Variants in SH3BGRL observed in about 807,000 individuals in gnomAD.
SH3BGRL encodes adapter SH3BGRL.
A neutral mutation model predicts 9.8 loss-of-function variants in SH3BGRL; 7 were observed. The observed-to-expected ratio is 0.72, with a 90% confidence interval of 0.41 to 1.35. The LOEUF (loss-of-function observed/expected upper bound fraction) is 1.35, where lower values mean the gene tolerates loss of function less well. Among genes scored for constraint, SH3BGRL ranks in the 40% most tolerant of loss-of-function variants. The probability of loss-of-function intolerance (pLI) is 0.01; values close to 1 mark genes in which losing one functional copy is unlikely to be tolerated. For missense variants in SH3BGRL, 73 were observed against 84.4 expected, an observed-to-expected ratio of 0.86 and a Z score of 0.53; for synonymous variants, 36 against 29.1, an observed-to-expected ratio of 1.24 and a Z score of -0.76.
intron 1 of SH3BGRL, among the ~76,000 whole-genome samples, chrX:81,259,281 T>C (rs2147699661): frequency 8.9e-6 from 1 of 111,814 alleles, no homozygotes; most frequent in Non-Finnish European, 1.9e-5. Flanking sequence ...GGAAGTGTGG[T>C]TTTAGGATGT....
At chrX:81,283,038 C>T (rs2075822768) in intron 3 of SH3BGRL, among the ~76,000 whole-genome samples, 1 of 111,705 alleles carries the variant, frequency 9.0e-6, no homozygotes, top group African/African-American at 3.3e-5. Context: ...CTAATATGAA[C>T]ACCTCTATGC....
intron 1 of SH3BGRL, among the ~76,000 whole-genome samples, chrX:81,255,167 C>T (rs1377848046): frequency 4.5e-5 from 5 of 111,552 alleles, no homozygotes; most frequent in Non-Finnish European, 7.5e-5. Flanking sequence ...GGATTACAGG[C>T]GTGAGCCACC....
At chrX:81,235,238 A>G (rs941763728) in intron 1 of SH3BGRL, among the ~76,000 whole-genome samples, 3 of 110,593 alleles carry the variant, frequency 2.7e-5, no homozygotes, top group Non-Finnish European at 5.7e-5. Flanking sequence ...AAACATGCTT[A>G]TGAGCTTGAG....
In SH3BGRL at chrX:81,269,447, A is replaced by G. The variant is rs1290774364; in HGVS notation, c.46-7537A>G. 3.6e-5 allele frequency among the ~76,000 whole-genome samples: 4 copies of G among 111,483 alleles called. No homozygotes were observed. In the East Asian group the frequency reaches 1.1e-3, roughly 31 times the overall value. On this transcript the variant is annotated intron_variant, in intron 1 of 3. Coordinates refer to ENST00000373212, the MANE Select transcript of SH3BGRL (RefSeq NM_003022.3). ...AATCTCTCAGCATTTGCTTGTCTGT[A>G]AACTATTTTATTTCTCCTTCACTTA... is the stretch of plus-strand genomic sequence containing the variant.
chrX:81,218,923 A>G (rs1294919955), intron 1 of SH3BGRL, among the ~76,000 whole-genome samples: 2 of 109,828 alleles, frequency 1.8e-5, no homozygotes, highest in Admixed American at 9.9e-5. Context: ...AAAAAATCCC[A>G]TTAGACCTAA....
At chrX:81,283,653 T>C (rs182280267) in intron 3 of SH3BGRL, among the ~76,000 whole-genome samples, 273 of 111,409 alleles carry the variant, frequency 2.5e-3, no homozygotes, top group Middle Eastern at 4.6e-3. Flanking sequence ...AAAATCAGCA[T>C]ACAAGGGACA....
intron 1 of SH3BGRL, among the ~76,000 whole-genome samples, chrX:81,234,373 T>A (rs1325763888): frequency 8.9e-6 from 1 of 112,395 alleles, no homozygotes; most frequent in Non-Finnish European, 1.9e-5. Flanking sequence ...TCATGATTTT[T>A]ACAAAGTAAA....
intron 1 of SH3BGRL, among the ~76,000 whole-genome samples, chrX:81,245,162 G>A (rs188034364): frequency 2.3e-4 from 26 of 111,849 alleles, no homozygotes; most frequent in Admixed American, 1.3e-3. Context: ...ATTCTTGTGA[G>A]AGTACTATCC....
At position 81,284,920 on chromosome X, in the gene SH3BGRL, T is replaced by G. The variant is rs1397935159; in HGVS notation, c.312+6509T>G. On this transcript the variant is annotated intron_variant, in intron 3 of 3. Coordinates refer to ENST00000373212, the MANE Select transcript of SH3BGRL (RefSeq NM_003022.3). The stretch of plus-strand genomic sequence containing the variant: ...GTTACCATGTTTCTTCCATCATTGC[T>G]TAAGCTCAGGAGTAGGAATAGAGTA... Among the ~76,000 whole-genome samples the G allele has an allele frequency of 4.4e-4, 49 of 111,207 alleles. 1 individual carries two copies. The Admixed American group carries it at 4.7e-3, about 11-fold the overall frequency.
chrX:81,203,138 C>A (rs905042732), intron 1 of SH3BGRL, among the ~76,000 whole-genome samples: 1 of 111,581 alleles, frequency 9.0e-6, no homozygotes, highest in African/African-American at 3.3e-5. Flanking sequence ...GAGTGTATAT[C>A]CATGATAAAT....
rs1181142504 is a variant in SH3BGRL at position 81,297,761 on chromosome X, T to C, written c.*534T>C. 8.9e-6 allele frequency: 1 copy of C among 112,353 alleles called. No individual in the cohort carries two copies. The highest frequency in any genetic ancestry group is 1.9e-5 in the Non-Finnish European group (1 of 53,149). 9.3% of individuals were successfully genotyped at this position (112,353 alleles called of 1,213,427 possible). A position where few individuals can be genotyped will look rare whatever the true frequency, so the allele number is the denominator to read the frequency against. On this transcript the variant is annotated 3_prime_UTR_variant, in exon 4 of 4. Coordinates refer to ENST00000373212, the MANE Select transcript of SH3BGRL (RefSeq NM_003022.3). Reference sequence around the variant, plus strand: ...TAATTATAACATTCCCATTCTTTTGTAGATGAAACTTCTACATATTGAACC... The same window carrying C: ...TAATTATAACATTCCCATTCTTTTGCAGATGAAACTTCTACATATTGAACC...
chrX:81,289,451 C>T (rs1282032106), intron 3 of SH3BGRL, among the ~76,000 whole-genome samples: 1 of 111,718 alleles, frequency 9.0e-6, no homozygotes, highest in African/African-American at 3.3e-5. Flanking sequence ...AGTTTCTTCA[C>T]AACAAAGGAA....
chrX:81,243,723 A>G (rs965569725), intron 1 of SH3BGRL, among the ~76,000 whole-genome samples: 1 of 111,333 alleles, frequency 9.0e-6, no homozygotes, highest in African/African-American at 3.3e-5. Context: ...TTAAAAAAAA[A>G]TAAGTAAATT....
At chrX:81,293,517 T>C (rs768242104) in intron 3 of SH3BGRL, among the ~76,000 whole-genome samples, 54 of 111,687 alleles carry the variant, frequency 4.8e-4, no homozygotes, top group South Asian at 1.1e-3. Flanking sequence ...ACCCTGTCTC[T>C]ACTAAAAATA....
intron 3 of SH3BGRL, among the ~76,000 whole-genome samples, chrX:81,287,668 G>C (rs1044040065): frequency 2.8e-4 from 31 of 110,551 alleles, no homozygotes; most frequent in African/African-American, 9.6e-4. Flanking sequence ...GGGGGAGTAG[G>C]GGAGGGACAA....
At chrX:81,287,172 A>G (rs1040227534) in intron 3 of SH3BGRL, among the ~76,000 whole-genome samples, 31 of 111,928 alleles carry the variant, frequency 2.8e-4, no homozygotes, top group Non-Finnish European at 9.4e-5. Context: ...GAAGAAAACA[A>G]TACAAAATGA....
At chrX:81,223,040 A>G (rs997659119) in intron 1 of SH3BGRL, among the ~76,000 whole-genome samples, 4 of 111,127 alleles carry the variant, frequency 3.6e-5, no homozygotes, top group Admixed American at 9.5e-5. Flanking sequence ...TTTCTTGTAA[A>G]TTTGTTTGAG....
chrX:81,243,992 GTAA>G (rs1240541840), intron 1 of SH3BGRL, among the ~76,000 whole-genome samples: 1 of 111,740 alleles, frequency 8.9e-6, no homozygotes, highest in Non-Finnish European at 1.9e-5. Flanking sequence ...AATGATAACA[GTAA>G]TAATGACAAC....
rs1286837340 is a variant in SH3BGRL at position 81,297,195 on chromosome X, G to T, written c.313G>T (p.Glu105Ter). 2 of 1,206,820 alleles carry T rather than the reference G, an allele frequency of 1.7e-6. No individual in the cohort carries two copies. The highest frequency in any genetic ancestry group is 3.5e-5 in the African/African-American group (2 of 57,640). The change falls in exon 4 of 4, where the codon GAA becomes TAA. Residue 105 changes from glutamate (E) to a stop codon, truncating the protein, a stop_gained and splice_region_variant. Coordinates refer to ENST00000373212, the MANE Select transcript of SH3BGRL (RefSeq NM_003022.3). LOFTEE classifies it high-confidence loss of function. The stretch of plus-strand genomic sequence containing the variant: ...CTGTTTTGTTTGTTTTTCATTTCAG[G>T]AAGCAGAAGTGCAAGCAAAGCAGCA... ...LGLTAPPGSKEAEVQAKQQA is the reference protein window; with the variant it reads ...LGLTAPPGSK
Sources: allele counts gnomAD v4.1 joint callset (sites outside exome capture counted in the v4.1 genomes callset), GRCh38; gene constraint gnomAD v4.1.1; transcripts MANE v1.5; gene names NCBI Gene and HGNC (gene_info 2026-07-23, HGNC 2026-07-21).